The following PDCD1LG2 variants were observed in gnomAD, a reference collection of about 807,000 sequenced individuals.
PDCD1LG2 encodes B7 dendritic cell molecule.
A neutral mutation model predicts 28.2 loss-of-function variants in PDCD1LG2; 32 were observed. That is an observed-to-expected ratio of 1.13 (90% confidence interval 0.86 to 1.52). The LOEUF (loss-of-function observed/expected upper bound fraction) is 1.52, where lower values mean the gene tolerates loss of function less well. Among genes scored for constraint, PDCD1LG2 ranks in the 40% most tolerant of loss-of-function variants. The pLI is 0.00. For missense variants in PDCD1LG2, 385 were observed against 323.8 expected (o/e 1.19, Z -1.45); for synonymous variants, 116 against 120.2 (o/e 0.97, Z 0.23).
At chr9:5,558,053 G>A (rs576001786) in intron 5 of PDCD1LG2, among the ~76,000 whole-genome samples, 1 of 152,282 alleles carries the variant, frequency 6.6e-6, no homozygotes, top group South Asian at 2.1e-4. Flanking sequence ...TGTTATTTTG[G>A]CAATGCAGAG....
chr9:5,561,855 T>C (rs1816568924), intron 5 of PDCD1LG2, among the ~76,000 whole-genome samples: 1 of 152,202 alleles, frequency 6.6e-6, no homozygotes. Context: ...TGCTGGTTTA[T>C]GGTTACCTGT....
rs192625690 is a variant in PDCD1LG2 at position 5,555,452 on chromosome 9, G to A, written c.632-2166G>A. 1.8e-4 allele frequency among the ~76,000 whole-genome samples: 27 copies of A among 151,860 alleles called. 1 individual carries two copies. The highest frequency in any genetic ancestry group is 4.2e-4 in the South Asian group (2 of 4,798). ...AATTAATTAATTAAATTAAAGAAACGACAAAAGAGTATGCAAGAATTTTAA... is the reference window on the plus strand; with the variant it reads ...AATTAATTAATTAAATTAAAGAAACAACAAAAGAGTATGCAAGAATTTTAA... On this transcript the variant is annotated intron_variant, in intron 4 of 6. Coordinates refer to ENST00000397747, the MANE Select transcript of PDCD1LG2 (RefSeq NM_025239.4).
At chr9:5,521,076 C>T (rs547701731) in intron 1 of PDCD1LG2, among the ~76,000 whole-genome samples, 1 of 152,238 alleles carries the variant, frequency 6.6e-6, no homozygotes, top group East Asian at 1.9e-4. Context: ...ACAGATGAAC[C>T]TTGACAACAT....
intron 1 of PDCD1LG2, among the ~76,000 whole-genome samples, chr9:5,520,311 G>A (rs745986092): frequency 9.2e-5 from 14 of 152,180 alleles, no homozygotes; most frequent in Non-Finnish European, 1.6e-4. Context: ...TTGATGTTTT[G>A]CAAGGGTGCC....
chr9:5,556,844 G>A (rs1209743080), intron 4 of PDCD1LG2, among the ~76,000 whole-genome samples: 2 of 152,132 alleles, frequency 1.3e-5, no homozygotes, highest in Admixed American at 6.5e-5. Context: ...TTGTCAGTCT[G>A]GAGCCCTTGT....
chr9:5,565,944 A>C (rs898907399), intron 6 of PDCD1LG2, among the ~76,000 whole-genome samples: 4 of 152,202 alleles, frequency 2.6e-5, no homozygotes, highest in Admixed American at 2.6e-4. Flanking sequence ...TATAAAGAAA[A>C]CAAAAATAAT....
Position 5,535,056 on chromosome 9 carries a change from T to C in PDCD1LG2, c.361+6T>C. On this transcript the variant is annotated splice_donor_region_variant and intron_variant, in intron 3 of 6. Coordinates refer to ENST00000397747, the MANE Select transcript of PDCD1LG2 (RefSeq NM_025239.4). ...CCTGACTCTGAAAGTCAAAGGTGAG[T>C]GGTGTCAAGGACTAGAATCCATGGA... 6.3e-6 allele frequency: 10 copies of C among 1,597,044 alleles called. No individual in the cohort carries two copies. The highest frequency in any genetic ancestry group is 8.5e-6 in the Non-Finnish European group (10 of 1,170,954).
rs1586825573 is a variant in PDCD1LG2 at position 5,570,018 on chromosome 9, C to G, written c.*59C>G. ...TGACATCTAAAGAAGCTTCTGGACTCTGAACAAGAATTCGGTGGCCTGCAG... is the reference window on the plus strand; with the variant it reads ...TGACATCTAAAGAAGCTTCTGGACTGTGAACAAGAATTCGGTGGCCTGCAG... On this transcript the variant is annotated 3_prime_UTR_variant, in exon 7 of 7. Coordinates refer to ENST00000397747, the MANE Select transcript of PDCD1LG2 (RefSeq NM_025239.4). 1.2e-6 allele frequency: 2 copies of G among 1,611,536 alleles called. No homozygotes were observed. The highest frequency in any genetic ancestry group is 1.7e-6 in the Non-Finnish European group (2 of 1,177,714).
chr9:5,545,458 G>C (rs777747495), intron 3 of PDCD1LG2, among the ~76,000 whole-genome samples: 9 of 152,248 alleles, frequency 5.9e-5, no homozygotes, highest in Non-Finnish European at 1.2e-4. Context: ...GGAAGTAGGA[G>C]TTTCCATTCA....
rs138221285 is a variant in PDCD1LG2, at chr9:5,570,643, G to GT, written c.*694dup. 4.6e-3 allele frequency: 987 copies of GT among 213,978 alleles called. No homozygotes were observed. The highest frequency in any genetic ancestry group is 0.011 in the East Asian group (161 of 14,478). The allele number at this position is 213,978 out of a possible 1,614,324, so 13.3% of individuals were successfully genotyped here. On this transcript the variant is annotated 3_prime_UTR_variant, in exon 7 of 7. Coordinates refer to ENST00000397747, the MANE Select transcript of PDCD1LG2 (RefSeq NM_025239.4). Reference sequence around the variant, plus strand: ...TGTAATGGCACCATGTTTAATGGTGGTTTTTTTTTTGAACTACATCTTTCC... The same window carrying GT: ...TGTAATGGCACCATGTTTAATGGTGGTTTTTTTTTTTGAACTACATCTTTCC...
chr9:5,537,788 G>A (rs1335991678), intron 3 of PDCD1LG2, among the ~76,000 whole-genome samples: 1 of 152,118 alleles, frequency 6.6e-6, no homozygotes, highest in Non-Finnish European at 1.5e-5. Context: ...TTAATGACAA[G>A]TTAATGGGTG....
chr9:5,565,860 G>C (rs6476990), intron 6 of PDCD1LG2, among the ~76,000 whole-genome samples: 151,743 of 152,284 alleles, frequency 1, 75,606 homozygotes, highest in East Asian at 1. Context: ...AAAGAATAAC[G>C]TACAACAATA....
chr9:5,539,605 G>T (rs1388505799), intron 3 of PDCD1LG2, among the ~76,000 whole-genome samples: 1 of 152,250 alleles, frequency 6.6e-6, no homozygotes, highest in Non-Finnish European at 1.5e-5. Context: ...CTACATTTCT[G>T]GGGGCAATCC....
rs758886228 is a variant in PDCD1LG2 at position 5,570,022 on chromosome 9, A to G, written c.*63A>G. On this transcript the variant is annotated 3_prime_UTR_variant, in exon 7 of 7. Coordinates refer to ENST00000397747, the MANE Select transcript of PDCD1LG2 (RefSeq NM_025239.4). ...ATCTAAAGAAGCTTCTGGACTCTGA[A>G]CAAGAATTCGGTGGCCTGCAGAGCT... 2.0e-4 allele frequency: 315 copies of G among 1,610,272 alleles called. No homozygotes were observed. Among genetic ancestry groups the G allele is most frequent in the Non-Finnish European group, 2.6e-4 (302 of 1,176,860 alleles).
chr9:5,557,486 G>C, intron 4 of PDCD1LG2, 132 bp from the exon 5 acceptor site: 1 of 1,060,072 alleles, frequency 9.4e-7, no homozygotes, highest in South Asian at 1.5e-5. Flanking sequence ...AGAGCACTTA[G>C]AATAGGGCCT....
chr9:5,533,042 T>C (rs1820512507), intron 2 of PDCD1LG2, among the ~76,000 whole-genome samples: 1 of 152,198 alleles, frequency 6.6e-6, no homozygotes, highest in South Asian at 2.1e-4. Flanking sequence ...CCTATGCTCT[T>C]CCGTATCACA....
chr9:5,556,072 G>A (rs1816434753), intron 4 of PDCD1LG2, among the ~76,000 whole-genome samples: 1 of 152,228 alleles, frequency 6.6e-6, no homozygotes, highest in Admixed American at 6.5e-5. Flanking sequence ...AGGACTCAGA[G>A]GTAGTTTAGA....
At chr9:5,563,718 T>C (rs909144029) in intron 6 of PDCD1LG2, among the ~76,000 whole-genome samples, 1 of 152,134 alleles carries the variant, frequency 6.6e-6, no homozygotes. Flanking sequence ...ATGAAAAGCT[T>C]AGACTCAGGG....
chr9:5,570,644 T>C lies in PDCD1LG2; in HGVS notation c.*685T>C. On this transcript the variant is annotated 3_prime_UTR_variant, in exon 7 of 7. Transcript: ENST00000397747. ...GTAATGGCACCATGTTTAATGGTGGTTTTTTTTTTGAACTACATCTTTCCT... is the reference window on the plus strand; with the variant it reads ...GTAATGGCACCATGTTTAATGGTGGCTTTTTTTTTGAACTACATCTTTCCT... 1 of 211,576 alleles carries C rather than the reference T, an allele frequency of 4.7e-6. No individual in the cohort carries two copies. 13.1% of individuals were successfully genotyped at this position (211,576 alleles called of 1,614,324 possible). A position where few individuals can be genotyped will look rare whatever the true frequency, so the allele number is the denominator to read the frequency against.
Sources: allele counts gnomAD v4.1 joint callset (sites outside exome capture counted in the v4.1 genomes callset), GRCh38; gene constraint gnomAD v4.1.1; transcripts MANE v1.5; gene names NCBI Gene and HGNC (gene_info 2026-07-23, HGNC 2026-07-21).